CSMD1: variants seen among roughly 807,000 people sequenced by gnomAD.
CSMD1 encodes the protein CUB and sushi domain-containing protein 1.
In CSMD1, 213 loss-of-function variants were observed where a neutral mutation model predicts 417.5. That is an observed-to-expected ratio of 0.51 (90% CI 0.46 to 0.57). The LOEUF (loss-of-function observed/expected upper bound fraction) is 0.57, where lower values mean the gene tolerates loss of function less well. CSMD1 is among the 20% of genes least tolerant of loss of function. CSMD1 has a pLI of 0.00. For synonymous variants in CSMD1, 2,862 were observed against 1,736.8 expected (o/e 1.65, Z -16.11); for missense variants, 6,923 against 4,529.7 (o/e 1.53, Z -15.17).
intron 5 of CSMD1, among the ~76,000 whole-genome samples, chr8:3,973,371 C>A (rs1053465737): frequency 1.2e-4 from 18 of 152,188 alleles, no homozygotes; most frequent in African/African-American, 4.1e-4. Flanking sequence ...GAATATTTAA[C>A]TTTCATGTAT....
At chr8:3,445,631 T>C (rs765966771) in intron 12 of CSMD1, among the ~76,000 whole-genome samples, 2 of 152,054 alleles carry the variant, frequency 1.3e-5, no homozygotes, top group African/African-American at 2.4e-5. Context: ...GGCCATTCAC[T>C]TGGGAGACAG....
chr8:3,052,351 C>A (rs185096486), intron 50 of CSMD1, 111 bp downstream of exon 50: 3 of 694,550 alleles, frequency 4.3e-6, no homozygotes, highest in East Asian at 2.8e-5. Flanking sequence ...GACACCAAAT[C>A]CTCACAAGGT....
intron 25 of CSMD1, among the ~76,000 whole-genome samples, chr8:3,294,897 GC>G (rs1222073105): frequency 1.1e-4 from 17 of 151,976 alleles, no homozygotes; most frequent in Non-Finnish European, 2.1e-4. Context: ...TGGAGAAATC[GC>G]CCGTCTTCTG....
At chr8:3,185,487 C>G (rs2129049222) in intron 36 of CSMD1, among the ~76,000 whole-genome samples, 1 of 152,224 alleles carries the variant, frequency 6.6e-6, no homozygotes, top group East Asian at 1.9e-4. Context: ...AAAATGTGTT[C>G]TGTCACAGAT....
intron 5 of CSMD1, among the ~76,000 whole-genome samples, chr8:3,861,551 C>A (rs147486003): frequency 6.6e-6 from 1 of 152,150 alleles, no homozygotes; most frequent in Non-Finnish European, 1.5e-5. Context: ...TTTAACTCCA[C>A]GTGAGCATTA....
At chr8:4,111,573 G>C (rs887310522) in intron 3 of CSMD1, among the ~76,000 whole-genome samples, 39 of 152,270 alleles carry the variant, frequency 2.6e-4, no homozygotes, top group African/African-American at 8.7e-4. Flanking sequence ...CATACACCAT[G>C]GAATACTATG....
chr8:4,276,861 G>A (rs1402400096), intron 3 of CSMD1, among the ~76,000 whole-genome samples: 1 of 152,046 alleles, frequency 6.6e-6, no homozygotes, highest in Non-Finnish European at 1.5e-5. Context: ...TCCTTAATCA[G>A]AAAATAAGTT....
At chr8:3,614,620 A>G (rs1433285408) in intron 8 of CSMD1, among the ~76,000 whole-genome samples, 1 of 152,206 alleles carries the variant, frequency 6.6e-6, no homozygotes, top group African/African-American at 2.4e-5. Context: ...ATATTCTCAG[A>G]TATGAGTTAA....
At chr8:4,872,669 G>A (rs921064760) in intron 1 of CSMD1, among the ~76,000 whole-genome samples, 2 of 152,098 alleles carry the variant, frequency 1.3e-5, no homozygotes, top group African/African-American at 4.8e-5. Context: ...AATTGCGAGA[G>A]TAGAATTCAC....
intron 54 of CSMD1, among the ~76,000 whole-genome samples, chr8:2,987,181 G>T (rs961556142): frequency 6.6e-6 from 1 of 151,916 alleles, no homozygotes; most frequent in Admixed American, 6.6e-5. Flanking sequence ...AGCATTTGCA[G>T]GTCAAGAAGA....
chr8:4,483,429 G>A (rs1801210000), intron 2 of CSMD1, among the ~76,000 whole-genome samples: 1 of 152,132 alleles, frequency 6.6e-6, no homozygotes, highest in Non-Finnish European at 1.5e-5. Context: ...ATAAAAACAA[G>A]TCATTACCAT....
chr8:4,709,714 G>A (rs1237891800), intron 1 of CSMD1, among the ~76,000 whole-genome samples: 1 of 152,310 alleles, frequency 6.6e-6, no homozygotes, highest in Non-Finnish European at 1.5e-5. Context: ...GCACCTGTGG[G>A]AAGCATAGCA....
chr8:4,783,679 G>A lies in CSMD1; in HGVS notation c.86-146121C>T, dbSNP rs143157307. On this transcript the variant is annotated intron_variant, in intron 1 of 69. Coordinates refer to ENST00000635120, the MANE Select transcript of CSMD1 (RefSeq NM_033225.6). Reference sequence around the variant, plus strand: ...ATGAACAGGCTGAAGCCAGCCCGAAGCCTGTACTCAGAAGGGTGTCAATTA... The same window carrying A: ...ATGAACAGGCTGAAGCCAGCCCGAAACCTGTACTCAGAAGGGTGTCAATTA... Among the ~76,000 whole-genome samples, 1,335 of 152,256 alleles carry A rather than the reference G, an allele frequency of 8.8e-3. 14 individuals are homozygous for A. Among genetic ancestry groups the A allele is most frequent in the South Asian group, 0.042 (203 of 4,822 alleles).
chr8:4,135,625 G>C (rs567863330), intron 3 of CSMD1, among the ~76,000 whole-genome samples: 7 of 152,106 alleles, frequency 4.6e-5, no homozygotes, highest in African/African-American at 1.7e-4. Context: ...ACTGTTAATA[G>C]TTCAAAGATG....
intron 37 of CSMD1, among the ~76,000 whole-genome samples, chr8:3,171,032 G>C (rs1407646531): frequency 1.3e-5 from 2 of 152,146 alleles, no homozygotes; most frequent in East Asian, 3.9e-4. Flanking sequence ...ATAAATCTGA[G>C]CATGGTGTTG....
chr8:3,604,306 G>A (rs150052449), intron 8 of CSMD1, among the ~76,000 whole-genome samples: 3 of 152,190 alleles, frequency 2.0e-5, no homozygotes, highest in East Asian at 1.9e-4. Flanking sequence ...CTGCGGGGGG[G>A]GACCAAAGGT....
At chr8:4,713,339 C>T (rs965875628) in intron 1 of CSMD1, among the ~76,000 whole-genome samples, 1 of 151,990 alleles carries the variant, frequency 6.6e-6, no homozygotes, top group Non-Finnish European at 1.5e-5. Flanking sequence ...TGGTGTCTTG[C>T]CATAGCTTTT....
intron 5 of CSMD1, among the ~76,000 whole-genome samples, chr8:3,849,293 A>G (rs1480491785): frequency 2.6e-5 from 4 of 152,284 alleles, no homozygotes; most frequent in East Asian, 1.9e-4. Flanking sequence ...AGACAAAGAT[A>G]CAGGGCGGAC....
intron 1 of CSMD1, among the ~76,000 whole-genome samples, chr8:4,661,037 G>A (rs1804566223): frequency 6.6e-6 from 1 of 152,130 alleles, no homozygotes. Flanking sequence ...AAATGGCACA[G>A]CCACCCCGGG....
Sources: allele counts gnomAD v4.1 joint callset (sites outside exome capture counted in the v4.1 genomes callset), GRCh38; gene constraint gnomAD v4.1.1; transcripts MANE v1.5; gene names NCBI Gene and HGNC (gene_info 2026-07-23, HGNC 2026-07-21).